The following DCUN1D1 variants were observed in gnomAD, a reference collection of about 807,000 sequenced individuals.
DCUN1D1 encodes the protein DCN1-like protein 1.
A neutral mutation model predicts 39.0 loss-of-function variants in DCUN1D1; 3 were observed. That is an observed-to-expected ratio of 0.08 (90% confidence interval 0.04 to 0.20). DCUN1D1 has a LOEUF of 0.20. Ranked by LOEUF, DCUN1D1 falls within the 10% of genes least tolerant of loss-of-function variation. The pLI, the probability that DCUN1D1 is intolerant of heterozygous loss-of-function variation, is 1.00. For missense variants in DCUN1D1, 158 were observed against 302.4 expected (o/e 0.52, Z 3.54); for synonymous variants, 82 against 96.3 (o/e 0.85, Z 0.87).
intron 3 of DCUN1D1, among the ~76,000 whole-genome samples, chr3:182,961,709 G>C (rs1012357407): frequency 6.6e-6 from 1 of 152,136 alleles, no homozygotes; most frequent in Non-Finnish European, 1.5e-5. Context: ...AACTGTATTA[G>C]ACACTACTGA....
chr3:182,975,175 A>ATTTTT (rs769384130), intron 1 of DCUN1D1, among the ~76,000 whole-genome samples: 1 of 138,652 alleles, frequency 7.2e-6, no homozygotes. Flanking sequence ...TTAACACAGA[A>ATTTTT]TTTTTTTTTT....
chr3:182,978,361 G>A (rs1476918575), intron 1 of DCUN1D1, among the ~76,000 whole-genome samples: 1 of 151,906 alleles, frequency 6.6e-6, no homozygotes, highest in Non-Finnish European at 1.5e-5. Flanking sequence ...ACTTCGATTA[G>A]GGCCAGTGGT....
intron 4 of DCUN1D1, among the ~76,000 whole-genome samples, chr3:182,953,605 G>T (rs1413310193): frequency 2.6e-5 from 4 of 152,080 alleles, no homozygotes; most frequent in Non-Finnish European, 5.9e-5. Flanking sequence ...CAAAGCATTC[G>T]TAACAGTACC....
intron 1 of DCUN1D1, among the ~76,000 whole-genome samples, chr3:182,967,262 C>T (rs1321240661): frequency 6.6e-6 from 1 of 151,598 alleles, no homozygotes; most frequent in Non-Finnish European, 1.5e-5. Context: ...GATCAGAGAA[C>T]CTTAACCAGA....
At chr3:182,977,220 C>G (rs1728280668) in intron 1 of DCUN1D1, among the ~76,000 whole-genome samples, 3 of 152,188 alleles carry the variant, frequency 2.0e-5, no homozygotes, top group Non-Finnish European at 4.4e-5. Flanking sequence ...AACAATCCTG[C>G]AAACCTGAAC....
intron 4 of DCUN1D1, chr3:182,955,864 A>G (rs1281503503): frequency 1.0e-5 from 2 of 193,846 alleles, no homozygotes; most frequent in Non-Finnish European, 2.1e-5. Context: ...TACAGGCGTG[A>G]GCCACCGCGC....
intron 6 of DCUN1D1, 129 bp from the exon 7 acceptor site, chr3:182,945,302 C>T: frequency 1.5e-6 from 1 of 673,826 alleles, no homozygotes; most frequent in Non-Finnish European, 2.4e-6. Context: ...TATCTATTCC[C>T]ACTGATTAAG....
rs1211467822 is a variant in DCUN1D1 at position 182,938,583 on chromosome 3, G to A, written c.*6511C>T. 1 of 152,134 alleles carries A rather than the reference G, an allele frequency of 6.6e-6. No individual in the cohort carries two copies. Among genetic ancestry groups the A allele is most frequent in the Non-Finnish European group, 1.5e-5 (1 of 68,014 alleles). The allele number at this position is 152,134 out of a possible 1,614,324, so 9.4% of individuals were successfully genotyped here. On this transcript the variant is annotated 3_prime_UTR_variant, in exon 7 of 7. Transcript: ENST00000292782. ...AATGGCATTTAGATAAATCAAGATTGGCCATGGATTGATCATGTTAACATG... is the reference window on the plus strand; with the variant it reads ...AATGGCATTTAGATAAATCAAGATTAGCCATGGATTGATCATGTTAACATG...
At position 182,943,639 on chromosome 3, in the gene DCUN1D1, T is replaced by C. The variant is rs1386284749; in HGVS notation, c.*1455A>G. 2 of 152,380 alleles carry C rather than the reference T, an allele frequency of 1.3e-5. No individual in the cohort carries two copies. The highest frequency in any genetic ancestry group is 2.4e-5 in the African/African-American group (1 of 41,472). The allele number at this position is 152,380 out of a possible 1,614,324, so 9.4% of individuals were successfully genotyped here. On this transcript the variant is annotated 3_prime_UTR_variant, in exon 7 of 7. Coordinates refer to ENST00000292782, the MANE Select transcript of DCUN1D1 (RefSeq NM_020640.4). ...CTGGATATATATCCCAAGCAGAATC[T>C]ATTCCTATCAAAAGACCATAATCAT...
At chr3:182,951,617 CAAAAAAAAAAAAAAAAAA>C (rs748698621) in intron 4 of DCUN1D1, among the ~76,000 whole-genome samples, 1 of 44,382 alleles carries the variant, frequency 2.3e-5, no homozygotes. Flanking sequence ...CCCTGTCTCC[CAAAAAAAAAAAAAAAAAA>C]AAAAAAAAAA....
chr3:182,978,499 T>C (rs1290737385), intron 1 of DCUN1D1, among the ~76,000 whole-genome samples: 2 of 152,152 alleles, frequency 1.3e-5, no homozygotes, highest in Non-Finnish European at 2.9e-5. Flanking sequence ...CCTCATCCTC[T>C]GGAGTAGGGG....
chr3:182,968,189 G>A (rs1307837202), intron 1 of DCUN1D1, among the ~76,000 whole-genome samples: 21 of 151,934 alleles, frequency 1.4e-4, no homozygotes, highest in Admixed American at 1.4e-3. Flanking sequence ...GACTACAGGA[G>A]TGAGCCACTG....
intron 3 of DCUN1D1, among the ~76,000 whole-genome samples, 191 bp from the exon 4 acceptor site, chr3:182,961,547 G>C (rs1467650448): frequency 1.3e-5 from 2 of 152,138 alleles, no homozygotes; most frequent in Non-Finnish European, 2.9e-5. Context: ...AAGAGGTCTA[G>C]AGTGATTAAA....
rs1427525001 is a variant in DCUN1D1 at position 182,944,938 on chromosome 3, T to C, written c.*156A>G. The stretch of plus-strand genomic sequence containing the variant: ...CCACCATTAGAAGAATGAAATACGA[T>C]ATGGTCCAAGATGTATCCTTAAAGT... On this transcript the variant is annotated 3_prime_UTR_variant, in exon 7 of 7. Coordinates refer to ENST00000292782, the MANE Select transcript of DCUN1D1 (RefSeq NM_020640.4). The C allele has an allele frequency of 6.7e-6, 4 of 599,884 alleles. No individual in the cohort carries two copies. The highest frequency in any genetic ancestry group is 3.0e-5 in the East Asian group (1 of 32,976). The allele number at this position is 599,884 out of a possible 1,614,324, so 37.2% of individuals were successfully genotyped here.
chr3:182,980,537 A>G lies in DCUN1D1; in HGVS notation c.-48T>C. On this transcript the variant is annotated 5_prime_UTR_variant, in exon 1 of 7. Transcript: ENST00000292782. ...CCCTCCTCCTCCGGCTCCGCAGCGA[A>G]TGGACGGCGGCGGCGGCGGCGGCTC... is the stretch of plus-strand genomic sequence containing the variant. The G allele has an allele frequency of 1.6e-6, 2 of 1,222,932 alleles. No individual in the cohort carries two copies. Among genetic ancestry groups the G allele is most frequent in the East Asian group, 4.6e-5 (1 of 21,612 alleles). 75.8% of individuals were successfully genotyped at this position (1,222,932 alleles called of 1,614,324 possible).
intron 1 of DCUN1D1, among the ~76,000 whole-genome samples, chr3:182,977,974 G>A (rs11715991): frequency 0.55 from 83,216 of 150,032 alleles, 28,794 homozygotes; most frequent in Non-Finnish European, 0.78. Flanking sequence ...CAGGAGGCAC[G>A]GGTTGCAGTG....
At chr3:182,950,389 G>A (rs555775147) in intron 4 of DCUN1D1, among the ~76,000 whole-genome samples, 2 of 151,772 alleles carry the variant, frequency 1.3e-5, no homozygotes, top group Admixed American at 6.6e-5. Flanking sequence ...CTTGTGATCC[G>A]CCTGCCTCAG....
chr3:182,959,658 T>C (rs1727283986), intron 4 of DCUN1D1, among the ~76,000 whole-genome samples: 1 of 152,158 alleles, frequency 6.6e-6, no homozygotes, highest in African/African-American at 2.4e-5. Flanking sequence ...GGTGGTAAAT[T>C]ACTGAATGAA....
At chr3:182,969,679 C>T (rs1437739815) in intron 1 of DCUN1D1, among the ~76,000 whole-genome samples, 1 of 152,010 alleles carries the variant, frequency 6.6e-6, no homozygotes, top group Non-Finnish European at 1.5e-5. Flanking sequence ...CAAAGAAATG[C>T]AATAGTTGTA....
Sources: gnomAD v4.1 joint callset for allele counts (sites outside exome capture counted in the v4.1 genomes callset) on GRCh38, gnomAD v4.1.1 for gene constraint, MANE v1.5 for transcripts, NCBI Gene and HGNC (gene_info 2026-07-23, HGNC 2026-07-21) for gene names.